The following NEBL variants were observed in gnomAD, a reference collection of about 807,000 sequenced individuals.
The protein encoded by NEBL is LIM and SH3 protein 2.
In NEBL, 122 loss-of-function variants were observed where a neutral mutation model predicts 140.2. The observed-to-expected ratio is 0.87, with a 90% CI of 0.75 to 1.01. The LOEUF is 1.01. Among genes scored for constraint, NEBL ranks in the 50% least tolerant of loss-of-function variants. The probability of loss-of-function intolerance (pLI) is 0.00; values close to 1 mark genes in which losing one functional copy is unlikely to be tolerated. For synonymous variants in NEBL, 436 were observed against 398.9 expected (o/e 1.09, Z -1.11); for missense variants, 1,365 against 1,231.3 (o/e 1.11, Z -1.62).
At position 21,053,482 on chromosome 10, in the gene NEBL, T is replaced by C. The variant is rs200473083; in HGVS notation, c.165-33281A>G. ...CAGGCAGTTTCTTCTTCTTTATTGCTTTATGTTGTTTAAACATTTATAATG... is the reference window on the plus strand; with the variant it reads ...CAGGCAGTTTCTTCTTCTTTATTGCCTTATGTTGTTTAAACATTTATAATG... On this transcript the variant is annotated intron_variant, in intron 2 of 6. Coordinates refer to the NEBL transcript ENST00000417816. Among the ~76,000 whole-genome samples, 9 of 152,250 alleles carry C rather than the reference T, an allele frequency of 5.9e-5. No individual in the cohort carries two copies. In the East Asian group the frequency reaches 1.7e-3, roughly 29 times the overall value.
At chr10:21,093,148 G>GTATTTTTTTTTT in intron 2 of NEBL, among the ~76,000 whole-genome samples, 1 of 21,764 alleles carries the variant, frequency 4.6e-5, no homozygotes, top group Admixed American at 3.0e-4. Context: ...TTAGCAACAA[G>GTATTTTTTTTTT]TCTTTTTTTT....
chr10:21,172,217 T>C lies in NEBL; in HGVS notation c.164+166A>G, dbSNP rs1841104105. On this transcript the variant is annotated intron_variant, in intron 2 of 6. Coordinates refer to the NEBL transcript ENST00000417816. ...CACATTAGAAAGGTATAAAAAGCAG[T>C]GATCGTCAACAAAGTACATGGCCCC... 4.5e-6 allele frequency: 3 copies of C among 659,496 alleles called. No homozygotes were observed. The Admixed American group carries it at 7.1e-5, about 16-fold the overall frequency. 40.9% of individuals were successfully genotyped at this position (659,496 alleles called of 1,614,324 possible). A position where few individuals can be genotyped will look rare whatever the true frequency, so the allele number is the denominator to read the frequency against.
At chr10:21,050,354 A>T (rs1383619133) in intron 2 of NEBL, among the ~76,000 whole-genome samples, 1 of 152,144 alleles carries the variant, frequency 6.6e-6, no homozygotes, top group African/African-American at 2.4e-5. Context: ...AACACATTAA[A>T]ATCAATTCTC....
intron 3 of NEBL, among the ~76,000 whole-genome samples, chr10:21,219,942 A>C (rs1842044163): frequency 6.7e-6 from 1 of 148,670 alleles, no homozygotes; most frequent in South Asian, 2.1e-4. Context: ...TAGACAGAGT[A>C]TTGCTTTGTT....
intron 26 of NEBL, among the ~76,000 whole-genome samples, chr10:20,803,185 T>C (rs980988312): frequency 1.3e-5 from 2 of 152,204 alleles, no homozygotes; most frequent in Non-Finnish European, 2.9e-5. Flanking sequence ...TAAATTCTAG[T>C]GTTCTATACC....
chr10:21,027,712 G>A (rs893505018), intron 2 of NEBL, among the ~76,000 whole-genome samples: 31 of 152,130 alleles, frequency 2.0e-4, no homozygotes, highest in African/African-American at 7.2e-4. Flanking sequence ...CTCTGAGTTA[G>A]GAGAGAGACC....
At chr10:20,858,591 T>A (rs1409272) in intron 8 of NEBL, among the ~76,000 whole-genome samples, 1 of 151,952 alleles carries the variant, frequency 6.6e-6, no homozygotes. Context: ...GTAATGTCAA[T>A]AGAATAAAGT....
intron 21 of NEBL, among the ~76,000 whole-genome samples, chr10:20,817,353 C>A (rs1838820318): frequency 6.6e-6 from 1 of 152,060 alleles, no homozygotes; most frequent in South Asian, 2.1e-4. Context: ...GGTGACAGAG[C>A]AAGACCCTGT....
chr10:20,874,280 G>A (rs949316910), intron 5 of NEBL, among the ~76,000 whole-genome samples: 2 of 152,072 alleles, frequency 1.3e-5, no homozygotes, highest in Admixed American at 1.3e-4. Context: ...CATGTGATTG[G>A]TGGGCCTCTG....
rs539541817 is a variant in NEBL at position 21,210,058 on chromosome 10, G to A, written n.349-37581C>T. Among the ~76,000 whole-genome samples the A allele has an allele frequency of 2.0e-5, 3 of 152,210 alleles. No homozygotes were observed. The South Asian group carries it at 6.2e-4, about 32-fold the overall frequency. ...CCACGAGCCTCAAAATGTCCTTATTGTTTAAGATCATTTGAAGCAAGGTTT... is the reference window on the plus strand; with the variant it reads ...CCACGAGCCTCAAAATGTCCTTATTATTTAAGATCATTTGAAGCAAGGTTT... On this transcript the variant is annotated intron_variant and non_coding_transcript_variant, in intron 3 of 8. Coordinates refer to the NEBL transcript ENST00000675702.
In NEBL at chr10:21,043,558, A is replaced by G. The variant is rs554757835; in HGVS notation, c.165-23357T>C. Reference sequence around the variant, plus strand: ...ATTTTGTGCATACAGACACACATACATGATTAAAGGAATTCTCTTTTTAAC... The same window carrying G: ...ATTTTGTGCATACAGACACACATACGTGATTAAAGGAATTCTCTTTTTAAC... On this transcript the variant is annotated intron_variant, in intron 2 of 6. Coordinates refer to the NEBL transcript ENST00000417816. Among the ~76,000 whole-genome samples, 7 of 152,350 alleles carry G rather than the reference A, an allele frequency of 4.6e-5. 1 individual carries two copies. The South Asian group carries it at 1.4e-3, about 32-fold the overall frequency.
chr10:21,288,848 AT>A (rs1564556761), intron 1 of NEBL, among the ~76,000 whole-genome samples: 2 of 89,942 alleles, frequency 2.2e-5, no homozygotes, highest in African/African-American at 5.0e-5. Context: ...ATATATATAT[AT>A]AAAAATTTTT....
intron 2 of NEBL, among the ~76,000 whole-genome samples, chr10:21,143,415 C>T (rs1839738043): frequency 7.3e-6 from 1 of 136,220 alleles, no homozygotes; most frequent in Non-Finnish European, 1.5e-5. Flanking sequence ...CACCACTGCA[C>T]TCCAGCTGGG....
At chr10:20,939,280 C>T (rs1296478991) in intron 4 of NEBL, among the ~76,000 whole-genome samples, 1 of 152,172 alleles carries the variant, frequency 6.6e-6, no homozygotes, top group Non-Finnish European at 1.5e-5. Context: ...GGCCAATATT[C>T]AACATTCTTA....
intron 13 of NEBL, among the ~76,000 whole-genome samples, chr10:20,838,320 A>G (rs1841091713): frequency 6.6e-6 from 1 of 152,206 alleles, no homozygotes; most frequent in African/African-American, 2.4e-5. Flanking sequence ...TGAGGGGTTC[A>G]AGACTTCAGT....
rs193040427 is a variant in NEBL, at chr10:21,062,525, A to G, written c.165-42324T>C. Among the ~76,000 whole-genome samples the G allele has an allele frequency of 1.4e-3, 219 of 151,936 alleles. 1 individual carries two copies. Among genetic ancestry groups the G allele is most frequent in the East Asian group, 0.011 (59 of 5,166 alleles). On this transcript the variant is annotated intron_variant, in intron 2 of 6. Transcript: ENST00000417816. ...AAAAAATTAAAAAATAAAAAATAAA[A>G]ATAAAAATAAAATTAGCTGGGCATA... is the stretch of plus-strand genomic sequence containing the variant.
At chr10:20,988,359 T>C (rs1189819849) in intron 3 of NEBL, among the ~76,000 whole-genome samples, 1 of 152,200 alleles carries the variant, frequency 6.6e-6, no homozygotes, top group African/African-American at 2.4e-5. Flanking sequence ...TCACTCATTT[T>C]CAATTGATAA....
chr10:20,794,520 A>G (rs778530999), intron 26 of NEBL, among the ~76,000 whole-genome samples: 1 of 152,214 alleles, frequency 6.6e-6, no homozygotes, highest in Non-Finnish European at 1.5e-5. Context: ...TGAAATATAC[A>G]TACCATAAAT....
rs1322395755 is a variant in NEBL at position 20,835,502 on chromosome 10, A to G, written c.1449+11T>C. On this transcript the variant is annotated intron_variant, in intron 14 of 27. Transcript: ENST00000377122. ...ATGAGTCTTAAGGCCTGCATCACGC[A>G]CCCTACTAACCTCACTCGCTATCTC... 2.1e-5 allele frequency: 34 copies of G among 1,589,108 alleles called. No individual in the cohort carries two copies. Among genetic ancestry groups the G allele is most frequent in the Non-Finnish European group, 2.8e-5 (32 of 1,159,710 alleles).
Sources: allele counts gnomAD v4.1 joint callset (sites outside exome capture counted in the v4.1 genomes callset), GRCh38; gene constraint gnomAD v4.1.1; transcripts MANE v1.5; gene names NCBI Gene and HGNC (gene_info 2026-07-23, HGNC 2026-07-21).